Variants in CAMK4 observed in about 807,000 individuals in gnomAD.
CAMK4 encodes calcium/calmodulin dependent protein kinase IV, also known as calcium/calmodulin-dependent protein kinase type IV.
CAMK4 carries 22 observed loss-of-function variants against 44.9 expected under a neutral mutation model. The observed-to-expected ratio is 0.49, with a 90% CI of 0.35 to 0.70. CAMK4 has a LOEUF of 0.70. Ranked by LOEUF, CAMK4 falls within the 30% of genes least tolerant of loss-of-function variation. The pLI is 0.01. For synonymous variants in CAMK4, 218 were observed against 215.4 expected (o/e 1.01, Z -0.11); for missense variants, 498 against 586.8 (o/e 0.85, Z 1.56).
intron 5 of CAMK4, among the ~76,000 whole-genome samples, chr5:111,417,550 G>A (rs1236213481): frequency 6.6e-6 from 1 of 152,080 alleles, no homozygotes; most frequent in Non-Finnish European, 1.5e-5. Flanking sequence ...GTAAAGAAGG[G>A]GTCTCATTCT....
intron 5 of CAMK4, chr5:111,416,679 G>C (rs1752826684): frequency 6.6e-6 from 1 of 152,060 alleles, no homozygotes; most frequent in Non-Finnish European, 1.5e-5. Flanking sequence ...GTTTGCATGT[G>C]AACTATTTCC....
intron 5 of CAMK4, among the ~76,000 whole-genome samples, chr5:111,402,459 T>C (rs1752262850): frequency 6.6e-6 from 1 of 152,248 alleles, no homozygotes. Flanking sequence ...TAAATTACTG[T>C]CTGTATTTAG....
intron 2 of CAMK4, among the ~76,000 whole-genome samples, chr5:111,367,848 A>C (rs1750852514): frequency 6.6e-6 from 1 of 152,058 alleles, no homozygotes. Context: ...GTAGCCTGGT[A>C]CAATGTCTCT....
chr5:111,420,248 A>T (rs1024355978), intron 5 of CAMK4, among the ~76,000 whole-genome samples: 1 of 152,034 alleles, frequency 6.6e-6, no homozygotes, highest in African/African-American at 2.4e-5. Context: ...TCTGTCTGTT[A>T]TTGGTGTATA....
At chr5:111,329,753 A>G (rs1001026763) in intron 1 of CAMK4, among the ~76,000 whole-genome samples, 3 of 151,774 alleles carry the variant, frequency 2.0e-5, no homozygotes, top group African/African-American at 4.8e-5. Flanking sequence ...ATAAAGGTAG[A>G]TTAAGTATTT....
chr5:111,409,189 T>G lies in CAMK4; in HGVS notation c.459+14407T>G, dbSNP rs116235019. Among the ~76,000 whole-genome samples, 791 of 152,298 alleles carry G rather than the reference T, an allele frequency of 5.2e-3. 8 individuals are homozygous for G. Among genetic ancestry groups the G allele is most frequent in the African/African-American group, 0.018 (730 of 41,564 alleles). ...CCCTCTGCACTACCCTAGCAGACGTTCCCTGCAGCATACTTCTGCCTGGGC... is the reference window on the plus strand; with the variant it reads ...CCCTCTGCACTACCCTAGCAGACGTGCCCTGCAGCATACTTCTGCCTGGGC... On this transcript the variant is annotated intron_variant, in intron 5 of 10. Transcript: ENST00000282356.
At chr5:111,336,835 T>A (rs1644501) in intron 1 of CAMK4, among the ~76,000 whole-genome samples, 39,922 of 150,840 alleles carry the variant, frequency 0.26, 6,163 homozygotes, top group South Asian at 0.41. Flanking sequence ...TTCTTTTTTT[T>A]AAAATTTCAC....
intron 1 of CAMK4, among the ~76,000 whole-genome samples, chr5:111,226,900 C>T (rs1054738103): frequency 3.3e-5 from 5 of 152,200 alleles, no homozygotes; most frequent in African/African-American, 1.2e-4. Context: ...AAGTTAAGCC[C>T]ATCCTATTGG....
intron 7 of CAMK4, among the ~76,000 whole-genome samples, chr5:111,465,100 C>G (rs894347882): frequency 2.0e-5 from 3 of 152,120 alleles, no homozygotes; most frequent in Non-Finnish European, 4.4e-5. Flanking sequence ...TGTGGAGTTT[C>G]CTCTACTGTT....
intron 7 of CAMK4, among the ~76,000 whole-genome samples, chr5:111,472,114 C>CA (rs1207308032): frequency 6.6e-6 from 1 of 152,012 alleles, no homozygotes; most frequent in Non-Finnish European, 1.5e-5. Context: ...AGGCTGGACT[C>CA]AAACTCCTGA....
At chr5:111,280,775 G>A (rs1750977759) in intron 1 of CAMK4, among the ~76,000 whole-genome samples, 1 of 152,182 alleles carries the variant, frequency 6.6e-6, no homozygotes, top group Non-Finnish European at 1.5e-5. Context: ...AAGGAAGCAG[G>A]CTAGAGAGAA....
intron 4 of CAMK4, among the ~76,000 whole-genome samples, chr5:111,385,567 G>C (rs893745821): frequency 6.6e-6 from 1 of 150,880 alleles, no homozygotes; most frequent in African/African-American, 2.4e-5. Context: ...ATATATATGT[G>C]TGTGTTTTGT....
chr5:111,297,823 G>C (rs1404610049), intron 1 of CAMK4, among the ~76,000 whole-genome samples: 1 of 152,156 alleles, frequency 6.6e-6, no homozygotes, highest in African/African-American at 2.4e-5. Flanking sequence ...TCAATACCAT[G>C]AATACAGTGT....
At chr5:111,384,556 A>G (rs1751531011) in intron 4 of CAMK4, among the ~76,000 whole-genome samples, 1 of 152,170 alleles carries the variant, frequency 6.6e-6, no homozygotes, top group South Asian at 2.1e-4. Context: ...CTCTAAATCA[A>G]ATGAACTCAG....
At chr5:111,458,999 G>A (rs1424350009) in intron 7 of CAMK4, among the ~76,000 whole-genome samples, 2 of 152,192 alleles carry the variant, frequency 1.3e-5, no homozygotes, top group Admixed American at 6.5e-5. Context: ...ATTTCTACAT[G>A]TCTGTTAGAT....
intron 1 of CAMK4, among the ~76,000 whole-genome samples, chr5:111,314,078 G>A (rs925631829): frequency 1.3e-5 from 2 of 152,158 alleles, no homozygotes; most frequent in African/African-American, 2.4e-5. Flanking sequence ...AAGTGTAATA[G>A]GAAGTAATGG....
intron 5 of CAMK4, among the ~76,000 whole-genome samples, chr5:111,444,847 C>T (rs1753970781): frequency 6.6e-6 from 1 of 152,136 alleles, no homozygotes; most frequent in African/African-American, 2.4e-5. Flanking sequence ...AAGAGGAAAA[C>T]TGATTGACCG....
At chr5:111,266,590 T>C (rs914496251) in intron 1 of CAMK4, among the ~76,000 whole-genome samples, 2 of 152,146 alleles carry the variant, frequency 1.3e-5, no homozygotes, top group Admixed American at 1.3e-4. Flanking sequence ...AGTTGGCCAT[T>C]TTTCTCTGTA....
In CAMK4 at chr5:111,465,601, C is replaced by G. The variant is rs192484419; in HGVS notation, c.626-7710C>G. 7.8e-4 allele frequency among the ~76,000 whole-genome samples: 119 copies of G among 152,186 alleles called. 1 individual carries two copies. The highest frequency in any genetic ancestry group is 2.6e-3 in the African/African-American group (109 of 41,534). On this transcript the variant is annotated intron_variant, in intron 7 of 10. Coordinates refer to ENST00000282356, the MANE Select transcript of CAMK4 (RefSeq NM_001744.6). ...CCTTTATGTGCATGAACTAGGAAAC[C>G]TAGAGGAGATGCATAAATTCCTGGA...
Sources: gnomAD v4.1 joint callset for allele counts (sites outside exome capture counted in the v4.1 genomes callset) on GRCh38, gnomAD v4.1.1 for gene constraint, MANE v1.5 for transcripts, NCBI Gene and HGNC (gene_info 2026-07-23, HGNC 2026-07-21) for gene names.